The following ST8SIA6 variants were observed in gnomAD, a reference collection of about 807,000 sequenced individuals.
The protein encoded by ST8SIA6 is alpha-2,8-sialyltransferase 8F.
A neutral mutation model predicts 33.6 loss-of-function variants in ST8SIA6; 39 were observed. The observed-to-expected ratio is 1.16, with a 90% CI of 0.90 to 1.52. The LOEUF (loss-of-function observed/expected upper bound fraction) is 1.52. ST8SIA6 is among the 40% of genes most tolerant of loss of function. The pLI is 0.00. For missense variants in ST8SIA6, 441 were observed against 443.8 expected (o/e 0.99, Z 0.06); for synonymous variants, 172 against 167.2 (o/e 1.03, Z -0.22).
intron 2 of ST8SIA6, among the ~76,000 whole-genome samples, chr10:17,425,693 AAGGT>A (rs1031721045): frequency 6.8e-6 from 1 of 147,888 alleles, no homozygotes; most frequent in Admixed American, 6.8e-5. Flanking sequence ...GAAGGAAGGA[AAGGT>A]AGGAAGGAGG....
Position 17,439,726 on chromosome 10 carries a change from C to A in ST8SIA6, c.200+13833G>T, listed in dbSNP as rs79183671. Among the ~76,000 whole-genome samples, 2,390 of 152,326 alleles carry A rather than the reference C, an allele frequency of 0.016. 192 individuals carry two copies. The East Asian group carries it at 0.26, about 17-fold the overall frequency. ...CCTCCTGCACAATCCTAACAAGGCT[C>A]ACTTTACCCCCACTTCCCACGTGTC... On this transcript the variant is annotated intron_variant, in intron 2 of 7. Transcript: ENST00000377602.
chr10:17,444,851 A>T (rs1852646811), intron 2 of ST8SIA6, among the ~76,000 whole-genome samples: 2 of 152,216 alleles, frequency 1.3e-5, no homozygotes, highest in African/African-American at 4.8e-5. Flanking sequence ...TGCAATTAAG[A>T]TGGAATTAGG....
intron 4 of ST8SIA6, among the ~76,000 whole-genome samples, chr10:17,338,344 T>G (rs369405152): frequency 1.6e-4 from 25 of 152,306 alleles, no homozygotes; most frequent in South Asian, 1.2e-3. Context: ...TTATTCCCAT[T>G]TTAAAGATGA....
At chr10:17,417,672 C>A (rs1286343548) in intron 2 of ST8SIA6, among the ~76,000 whole-genome samples, 2 of 152,186 alleles carry the variant, frequency 1.3e-5, no homozygotes. Context: ...TGATCTCAGA[C>A]TCTCCACCCA....
chr10:17,363,992 A>G (rs935786009), intron 3 of ST8SIA6, among the ~76,000 whole-genome samples: 5 of 152,188 alleles, frequency 3.3e-5, no homozygotes, highest in Non-Finnish European at 7.3e-5. Flanking sequence ...GTTATACAAA[A>G]CTATCATATA....
At chr10:17,378,766 T>C (rs1354691549) in intron 3 of ST8SIA6, among the ~76,000 whole-genome samples, 1 of 152,112 alleles carries the variant, frequency 6.6e-6, no homozygotes, top group Non-Finnish European at 1.5e-5. Context: ...AACCAGTCTA[T>C]AGAAACCTAG....
intron 3 of ST8SIA6, among the ~76,000 whole-genome samples, chr10:17,377,753 T>G (rs1849965866): frequency 6.6e-6 from 1 of 152,226 alleles, no homozygotes; most frequent in Non-Finnish European, 1.5e-5. Context: ...AAGGGACAGA[T>G]AGGCTGAAGA....
chr10:17,345,679 G>T (rs1051331876), intron 4 of ST8SIA6, among the ~76,000 whole-genome samples: 4 of 152,260 alleles, frequency 2.6e-5, no homozygotes, highest in Admixed American at 6.5e-5. Flanking sequence ...AGTCTTACAG[G>T]CATCACAAAA....
intron 4 of ST8SIA6, among the ~76,000 whole-genome samples, chr10:17,352,748 T>A (rs1046191958): frequency 2.0e-5 from 3 of 151,952 alleles, no homozygotes; most frequent in African/African-American, 7.2e-5. Flanking sequence ...AAGAGTTAGT[T>A]TCTGTTATTA....
At chr10:17,334,525 C>T (rs1476078121) in intron 4 of ST8SIA6, among the ~76,000 whole-genome samples, 4 of 141,894 alleles carry the variant, frequency 2.8e-5, no homozygotes, top group Non-Finnish European at 4.5e-5. Flanking sequence ...GGCGACAGAG[C>T]GAGACTCCGT....
chr10:17,414,435 A>C (rs1851543354), intron 2 of ST8SIA6, among the ~76,000 whole-genome samples: 1 of 152,240 alleles, frequency 6.6e-6, no homozygotes, highest in Non-Finnish European at 1.5e-5. Flanking sequence ...AGAAGCCTGC[A>C]GAGGAGCAAC....
At chr10:17,448,968 A>G (rs1852821867) in intron 2 of ST8SIA6, among the ~76,000 whole-genome samples, 1 of 151,166 alleles carries the variant, frequency 6.6e-6, no homozygotes, top group African/African-American at 2.4e-5. Flanking sequence ...AATTAATATT[A>G]TTTAAGAAAA....
At chr10:17,434,450 G>C (rs1002714074) in intron 2 of ST8SIA6, among the ~76,000 whole-genome samples, 2 of 152,220 alleles carry the variant, frequency 1.3e-5, no homozygotes, top group African/African-American at 4.8e-5. Context: ...CTGAACGGAT[G>C]AATGAAGCCA....
At chr10:17,418,790 C>T (rs759387290) in intron 2 of ST8SIA6, among the ~76,000 whole-genome samples, 1 of 151,904 alleles carries the variant, frequency 6.6e-6, no homozygotes, top group African/African-American at 2.4e-5. Flanking sequence ...GTCAGGAGTT[C>T]GAGACCAGCA....
chr10:17,390,810 C>CAA (rs1850571360), intron 2 of ST8SIA6, among the ~76,000 whole-genome samples, 190 bp from the exon 3 acceptor site: 1 of 95,854 alleles, frequency 1.0e-5, no homozygotes, highest in African/African-American at 4.7e-5. Context: ...AAAAAAAAAA[C>CAA]AAAAAACTTA....
rs978991677 is a variant in ST8SIA6, at chr10:17,318,029, A to G, written c.*2849T>C. Among the ~76,000 whole-genome samples, 8 of 152,196 alleles carry G rather than the reference A, an allele frequency of 5.3e-5. No homozygotes were observed. Among genetic ancestry groups the G allele is most frequent in the Admixed American group, 2.6e-4 (4 of 15,276 alleles). On this transcript the variant is annotated 3_prime_UTR_variant, in exon 8 of 8. Coordinates refer to ENST00000377602, the MANE Select transcript of ST8SIA6 (RefSeq NM_001004470.3). ...GGGACCACAGAGTACTATGGACTAT[A>G]TACTTAAATGAATATTTCTGCCTTG...
At chr10:17,397,245 T>TC (rs950732929) in intron 2 of ST8SIA6, among the ~76,000 whole-genome samples, 1 of 148,766 alleles carries the variant, frequency 6.7e-6, no homozygotes, top group Admixed American at 6.7e-5. Flanking sequence ...TTTTTTTTTT[T>TC]TTTTTGAGAC....
At chr10:17,324,829 TTATA>T (rs1206005231) in intron 6 of ST8SIA6, among the ~76,000 whole-genome samples, 15 of 146,622 alleles carry the variant, frequency 1.0e-4, no homozygotes, top group Admixed American at 2.8e-4. Context: ...ATATTATAGA[TTATA>T]TATTATATGT....
chr10:17,333,699 ATATATATATATATATATATTTT>A (rs1564404968), intron 4 of ST8SIA6, among the ~76,000 whole-genome samples: 2 of 23,036 alleles, frequency 8.7e-5, no homozygotes, highest in African/African-American at 4.6e-4. Flanking sequence ...ATATATATAT[ATATATATATATATATATATTTT>A]TTTTTTTTTT....
Sources: gnomAD v4.1 joint callset for allele counts (sites outside exome capture counted in the v4.1 genomes callset) on GRCh38, gnomAD v4.1.1 for gene constraint, MANE v1.5 for transcripts, NCBI Gene and HGNC (gene_info 2026-07-23, HGNC 2026-07-21) for gene names.